FGF12: variants seen among roughly 807,000 people sequenced by gnomAD.
FGF12 encodes the protein fibroblast growth factor 12.
FGF12 carries 14 observed loss-of-function variants against 23.6 expected under a neutral mutation model. The ratio of observed to expected loss-of-function variants is 0.59; its 90% CI spans 0.39 to 0.93. FGF12 has a LOEUF of 0.93. FGF12 is among the 40% of genes least tolerant of loss of function. The probability of loss-of-function intolerance (pLI) is 0.00; values close to 1 mark genes in which losing one functional copy is unlikely to be tolerated. For missense variants in FGF12, 175 were observed against 217.8 expected (o/e 0.80, Z 1.24); for synonymous variants, 62 against 77.3 (o/e 0.80, Z 1.04).
intron 2 of FGF12, among the ~76,000 whole-genome samples, chr3:192,543,748 G>A (rs1323122861): frequency 2.0e-5 from 3 of 152,138 alleles, no homozygotes; most frequent in Non-Finnish European, 2.9e-5. Context: ...CCAGGACTGG[G>A]TTCTCCCCTT....
At position 192,404,445 on chromosome 3, in the gene FGF12, C is replaced by A. The variant is rs183786125; in HGVS notation, c.14-43907G>T. On this transcript the variant is annotated intron_variant, in intron 2 of 5. Coordinates refer to ENST00000445105, the MANE Select transcript of FGF12 (RefSeq NM_004113.6). ...AAACATACATCATTTTGTAGTCAAT[C>A]ATTTGTACTATTGTTTCTACTCAAA... Among the ~76,000 whole-genome samples the A allele has an allele frequency of 1.6e-3, 244 of 152,244 alleles. 2 individuals are homozygous for A. The highest frequency in any genetic ancestry group is 0.013 in the South Asian group (64 of 4,826).
intron 2 of FGF12, among the ~76,000 whole-genome samples, chr3:192,543,317 C>T (rs911891049): frequency 6.6e-6 from 1 of 152,076 alleles, no homozygotes; most frequent in Non-Finnish European, 1.5e-5. Context: ...TACTGCCTGG[C>T]TACCACTGAT....
intron 3 of FGF12, among the ~76,000 whole-genome samples, chr3:192,349,552 G>T (rs1475322751): frequency 6.6e-6 from 1 of 151,864 alleles, no homozygotes; most frequent in East Asian, 1.9e-4. Context: ...TATACCATTT[G>T]CTTATTTTAA....
chr3:192,488,108 T>C (rs1172379250), intron 2 of FGF12, among the ~76,000 whole-genome samples: 1 of 152,148 alleles, frequency 6.6e-6, no homozygotes, highest in African/African-American at 2.4e-5. Context: ...CTATAAGCTA[T>C]GGCTTCTGGC....
intron 3 of FGF12, among the ~76,000 whole-genome samples, chr3:192,359,632 T>C (rs2108731630): frequency 1.3e-5 from 2 of 152,314 alleles, no homozygotes; most frequent in Middle Eastern, 6.8e-3. Context: ...CAATCTTGCC[T>C]CTGGAGCTTG....
At chr3:192,715,650 C>T (rs1008645130) in intron 2 of FGF12, among the ~76,000 whole-genome samples, 4 of 152,184 alleles carry the variant, frequency 2.6e-5, no homozygotes, top group African/African-American at 9.7e-5. Flanking sequence ...GCCTCTAATG[C>T]CTAGCCAGAG....
intron 4 of FGF12, among the ~76,000 whole-genome samples, chr3:192,190,698 A>C (rs1716743272): frequency 6.6e-6 from 1 of 151,660 alleles, no homozygotes; most frequent in Non-Finnish European, 1.5e-5. Context: ...GATGGTCTCC[A>C]TCTCCTGACC....
intron 2 of FGF12, among the ~76,000 whole-genome samples, chr3:192,622,164 C>T (rs1399529909): frequency 6.6e-6 from 1 of 152,160 alleles, no homozygotes; most frequent in Non-Finnish European, 1.5e-5. Flanking sequence ...ACAGCATGCC[C>T]TCCCTCAGCC....
chr3:192,482,431 C>A (rs1215618339), intron 2 of FGF12, among the ~76,000 whole-genome samples: 1 of 151,728 alleles, frequency 6.6e-6, no homozygotes, highest in South Asian at 2.1e-4. Flanking sequence ...GTCAGGGGTT[C>A]GAGACCAGCC....
At chr3:192,432,062 A>G (rs188293925) in intron 2 of FGF12, among the ~76,000 whole-genome samples, 27 of 152,244 alleles carry the variant, frequency 1.8e-4, no homozygotes, top group Non-Finnish European at 2.9e-4. Flanking sequence ...AGGTCTGCTT[A>G]CCTGTGGCAT....
intron 2 of FGF12, among the ~76,000 whole-genome samples, chr3:192,561,590 C>T (rs1712035004): frequency 6.6e-6 from 1 of 152,096 alleles, no homozygotes; most frequent in Admixed American, 6.5e-5. Context: ...TCTCGATCTC[C>T]TGACCTTGTG....
chr3:192,536,667 T>C (rs1196042247), intron 2 of FGF12, among the ~76,000 whole-genome samples: 2 of 152,094 alleles, frequency 1.3e-5, no homozygotes, highest in Non-Finnish European at 2.9e-5. Context: ...TTTTTAACTT[T>C]TAGTTTTTGT....
intron 2 of FGF12, among the ~76,000 whole-genome samples, chr3:192,685,525 G>T (rs1717699991): frequency 6.6e-6 from 1 of 152,176 alleles, no homozygotes; most frequent in African/African-American, 2.4e-5. Flanking sequence ...AGAACTGAGA[G>T]GGAGACAAAA....
chr3:192,483,666 T>C (rs1227298705), intron 2 of FGF12, among the ~76,000 whole-genome samples: 1 of 152,116 alleles, frequency 6.6e-6, no homozygotes, highest in African/African-American at 2.4e-5. Context: ...CATTCCAGCA[T>C]GAATTGCCAA....
At chr3:192,236,778 T>G (rs1220571025) in intron 4 of FGF12, among the ~76,000 whole-genome samples, 1 of 152,172 alleles carries the variant, frequency 6.6e-6, no homozygotes, top group Non-Finnish European at 1.5e-5. Context: ...GTCTTGCTTT[T>G]TTATACAACA....
Position 192,651,072 on chromosome 3 carries a change from G to A in FGF12, c.13+76109C>T, listed in dbSNP as rs76438169. Among the ~76,000 whole-genome samples the A allele has an allele frequency of 3.4e-3, 512 of 152,226 alleles. 2 individuals carry two copies. Among genetic ancestry groups the A allele is most frequent in the Middle Eastern group, 0.017 (5 of 294 alleles). On this transcript the variant is annotated intron_variant, in intron 2 of 5. Transcript: ENST00000445105. ...CTGTACATCTATGTCCTTTGTATTC[G>A]TAGGCACAGACACCTACTAGGAAGT...
chr3:192,665,774 T>TA (rs1716848339), intron 2 of FGF12, among the ~76,000 whole-genome samples: 1 of 122,410 alleles, frequency 8.2e-6, no homozygotes, highest in Admixed American at 7.7e-5. Context: ...TCCCAGAACT[T>TA]AAAGTAAAAT....
At chr3:192,692,394 C>T (rs1236945766) in intron 2 of FGF12, among the ~76,000 whole-genome samples, 1 of 152,092 alleles carries the variant, frequency 6.6e-6, no homozygotes, top group Non-Finnish European at 1.5e-5. Flanking sequence ...ACCACTTTAA[C>T]AATATAAAAG....
At chr3:192,464,702 C>A (rs1399487785) in intron 2 of FGF12, among the ~76,000 whole-genome samples, 2 of 152,076 alleles carry the variant, frequency 1.3e-5, no homozygotes, top group Non-Finnish European at 2.9e-5. Flanking sequence ...ATTGCTGGAC[C>A]GAATGGCAGA....
Sources: gnomAD v4.1 joint callset for allele counts (sites outside exome capture counted in the v4.1 genomes callset) on GRCh38, gnomAD v4.1.1 for gene constraint, MANE v1.5 for transcripts, NCBI Gene and HGNC (gene_info 2026-07-23, HGNC 2026-07-21) for gene names.